The following KCNJ15 variants were observed in gnomAD, a reference collection of about 807,000 sequenced individuals.
KCNJ15 encodes potassium inwardly rectifying channel subfamily J member 15, also known as ATP-sensitive inward rectifier potassium channel 15.
KCNJ15 carries 14 observed loss-of-function variants against 23.0 expected under a neutral mutation model. The observed-to-expected ratio is 0.61, with a 90% CI of 0.40 to 0.95. The LOEUF is 0.95. KCNJ15 is among the 40% of genes least tolerant of loss of function. The probability of loss-of-function intolerance (pLI) is 0.00; values close to 1 mark genes in which losing one functional copy is unlikely to be tolerated. For synonymous variants in KCNJ15, 185 were observed against 183.2 expected (o/e 1.01, Z -0.08); for missense variants, 388 against 461.8 (o/e 0.84, Z 1.46).
chr21:38,295,051 G>A (rs1442503301), intron 1 of KCNJ15, among the ~76,000 whole-genome samples: 1 of 152,200 alleles, frequency 6.6e-6, no homozygotes, highest in Non-Finnish European at 1.5e-5. Context: ...GCTTAGCTGG[G>A]AGGATTAACC....
intron 1 of KCNJ15, among the ~76,000 whole-genome samples, chr21:38,271,864 C>T (rs905820368): frequency 6.6e-6 from 1 of 152,192 alleles, no homozygotes; most frequent in East Asian, 1.9e-4. Context: ...GTGAGATCCA[C>T]CCACTGTCAT....
chr21:38,244,119 A>AT (rs961118433), intron 1 of KCNJ15, among the ~76,000 whole-genome samples: 22 of 149,774 alleles, frequency 1.5e-4, no homozygotes, highest in Admixed American at 3.3e-4. Flanking sequence ...TCTCCTATTA[A>AT]TTTTTTTTTT....
chr21:38,238,613 A>G lies in KCNJ15; in HGVS notation c.-398-18433A>G, dbSNP rs1210335857. ...TCCATCCAGTCCTTGTGACTCGTGA[A>G]GCTGTGCAACCAGAGCGGGTTGTGG... On this transcript the variant is annotated intron_variant, in intron 1 of 4. Transcript: ENST00000547341. The G allele has an allele frequency of 5.6e-5, 34 of 604,346 alleles. No individual in the cohort carries two copies. In the Admixed American group the frequency reaches 6.8e-4, roughly 12 times the overall value. 37.4% of individuals were successfully genotyped at this position (604,346 alleles called of 1,614,324 possible).
chr21:38,259,351 A>G (rs867875284), intron 1 of KCNJ15, among the ~76,000 whole-genome samples: 2 of 152,180 alleles, frequency 1.3e-5, no homozygotes, highest in African/African-American at 4.8e-5. Context: ...AAAGCTGTCA[A>G]TGACTGGCCC....
chr21:38,268,063 A>C (rs541126963), intron 1 of KCNJ15, among the ~76,000 whole-genome samples: 1 of 152,322 alleles, frequency 6.6e-6, no homozygotes, highest in East Asian at 1.9e-4. Context: ...AGCTCTGAGT[A>C]ACTACAACTA....
chr21:38,259,659 A>G (rs1168788969), intron 1 of KCNJ15, among the ~76,000 whole-genome samples: 1 of 152,200 alleles, frequency 6.6e-6, no homozygotes, highest in African/African-American at 2.4e-5. Flanking sequence ...GTTATTGTCT[A>G]CCTTCTCTCT....
chr21:38,233,718 A>G (rs1052960717), intron 1 of KCNJ15, among the ~76,000 whole-genome samples: 5 of 152,152 alleles, frequency 3.3e-5, no homozygotes, highest in Admixed American at 6.5e-5. Context: ...AAAAATTATT[A>G]TAAGGGAATA....
chr21:38,253,174 T>A (rs1810834160), upstream of KCNJ15, among the ~76,000 whole-genome samples: 1 of 152,158 alleles, frequency 6.6e-6, no homozygotes, highest in Non-Finnish European at 1.5e-5. Context: ...CCTTCCTGAC[T>A]TGCTTTCCCC....
In KCNJ15 at chr21:38,305,958, C is replaced by T. The variant is rs1986040283; in HGVS notation, c.*5569C>T. The T allele has an allele frequency of 6.6e-6, 1 of 152,336 alleles. No homozygotes were observed. The allele number at this position is 152,336 out of a possible 1,614,324, so 9.4% of individuals were successfully genotyped here. On this transcript the variant is annotated 3_prime_UTR_variant, in exon 3 of 3. Coordinates refer to ENST00000398938, the MANE Select transcript of KCNJ15 (RefSeq NM_170736.3). ...AACACGGGGAACCCAGTCTTTGACA[C>T]TCCTGTGTGCAGTGTGGAGCAGCGT...
intron 1 of KCNJ15, among the ~76,000 whole-genome samples, chr21:38,294,105 A>C (rs1984903188): frequency 6.6e-6 from 1 of 152,226 alleles, no homozygotes; most frequent in Admixed American, 6.5e-5. Context: ...GTGAACCCCA[A>C]GTAGATTCTT....
intron 1 of KCNJ15, among the ~76,000 whole-genome samples, chr21:38,248,528 A>G (rs1429361664): frequency 6.6e-6 from 1 of 152,242 alleles, no homozygotes; most frequent in African/African-American, 2.4e-5. Flanking sequence ...CCTAGTACCT[A>G]CATTGCTCTC....
At chr21:38,280,962 A>T (rs552302509) in intron 1 of KCNJ15, among the ~76,000 whole-genome samples, 1 of 152,284 alleles carries the variant, frequency 6.6e-6, no homozygotes, top group South Asian at 2.1e-4. Context: ...TGGGTTCAGT[A>T]CCGTGTTGTC....
chr21:38,294,630 T>C (rs1333553058), intron 1 of KCNJ15, among the ~76,000 whole-genome samples: 1 of 152,194 alleles, frequency 6.6e-6, no homozygotes, highest in East Asian at 1.9e-4. Context: ...TCTTTAAACA[T>C]TGCCATCATC....
chr21:38,270,000 G>C (rs919975111), intron 1 of KCNJ15, among the ~76,000 whole-genome samples: 13 of 152,004 alleles, frequency 8.6e-5, no homozygotes, highest in Non-Finnish European at 1.8e-4. Context: ...CTGTTCAATT[G>C]CTCCTGTATG....
Position 38,299,352 on chromosome 21 carries a change from T to A in KCNJ15, c.91T>A (p.Ser31Thr), listed in dbSNP as rs1317189875. The change falls in exon 3 of 3, where the codon TCC becomes ACC. Residue 31 changes from serine to threonine, a missense_variant. Ser to Thr is a moderately conservative substitution (Grantham distance 58). Transcript: ENST00000398938. This position sits in a 1 kb window ranked among gnomAD's most constrained non-coding sequence, Gnocchi z 4.5. ...CAAGGCCAACAGACCCCGCGTCATG[T>A]CCAAGAGTGGGCACAGCAACGTGAG... ...GLKANRPRVM[S>T]KSGHSNVRID... The A allele has an allele frequency of 6.2e-7, 1 of 1,614,046 alleles. No individual in the cohort carries two copies. Among genetic ancestry groups the A allele is most frequent in the Non-Finnish European group, 8.5e-7 (1 of 1,180,024 alleles).
intron 1 of KCNJ15, among the ~76,000 whole-genome samples, chr21:38,289,469 A>C (rs919203867): frequency 2.0e-5 from 3 of 152,148 alleles, no homozygotes; most frequent in Non-Finnish European, 4.4e-5. Context: ...GCAGTGGCTC[A>C]CACCTGTAAT....
At chr21:38,287,390 T>C (rs1984024118) in intron 1 of KCNJ15, among the ~76,000 whole-genome samples, 1 of 152,206 alleles carries the variant, frequency 6.6e-6, no homozygotes. Flanking sequence ...TAGGAATGAC[T>C]CTTGAGCATA....
At chr21:38,294,772 T>C (rs1042372686) in intron 1 of KCNJ15, among the ~76,000 whole-genome samples, 3 of 152,206 alleles carry the variant, frequency 2.0e-5, no homozygotes, top group Admixed American at 2.0e-4. Flanking sequence ...TCAGAGTGTG[T>C]TTATTTTCTT....
intron 2 of KCNJ15, among the ~76,000 whole-genome samples, chr21:38,297,586 G>A (rs540844991): frequency 3.5e-4 from 53 of 152,364 alleles, no homozygotes; most frequent in African/African-American, 1.2e-3. Flanking sequence ...ATTTGGGCAT[G>A]CCAGAATGGC....
Sources: gnomAD v4.1 joint callset for allele counts (sites outside exome capture counted in the v4.1 genomes callset) on GRCh38, gnomAD v4.1.1 for gene constraint, Gnocchi (gnomAD v3.1) non-coding constraint, MANE v1.5 for transcripts, NCBI Gene and HGNC (gene_info 2026-07-23, HGNC 2026-07-21) for gene names.